The following TPT1 variants were observed in gnomAD, a reference collection of about 807,000 sequenced individuals.
TPT1 encodes tumor protein, translationally-controlled 1.
TPT1 carries 5 observed loss-of-function variants against 22.8 expected under a neutral mutation model. That is an observed-to-expected ratio of 0.22 (90% CI 0.11 to 0.46). TPT1 has a LOEUF of 0.46. Ranked by LOEUF, TPT1 falls within the 20% of genes least tolerant of loss-of-function variation. TPT1 has a pLI of 0.99. For synonymous variants in TPT1, 89 were observed against 73.6 expected (o/e 1.21, Z -1.07); for missense variants, 130 against 218.7 (o/e 0.59, Z 2.56).
rs1878635544 is a variant in TPT1 at position 45,335,806 on chromosome 13, GT to G, written c.*1579del. 1 of 152,100 alleles carries G rather than the reference GT, an allele frequency of 6.6e-6. No homozygotes were observed. The highest frequency in any genetic ancestry group is 2.4e-5 in the African/African-American group (1 of 41,410). The allele number at this position is 152,100 out of a possible 1,614,324, so 9.4% of individuals were successfully genotyped here. A position where few individuals can be genotyped will look rare whatever the true frequency, so the allele number is the denominator to read the frequency against. On this transcript the variant is annotated 3_prime_UTR_variant, in exon 6 of 6. Coordinates refer to ENST00000530705, the MANE Select transcript of TPT1 (RefSeq NM_003295.4). ...TATTAAGTTCCCAATACGTATTTAG[GT>G]TTGTTTCCAATCACGGGGTGCTGGG... is the stretch of plus-strand genomic sequence containing the variant.
chr13:45,340,478 T>C lies in TPT1; in HGVS notation c.102+234A>G, dbSNP rs1203014676. ...CAAACACGAAAGGACTCCAGGCTCC[T>C]AAGCCGGAAGCATCATGTCCCGGAC... On this transcript the variant is annotated intron_variant, in intron 2 of 5. Coordinates refer to ENST00000530705, the MANE Select transcript of TPT1 (RefSeq NM_003295.4). The C allele has an allele frequency of 8.1e-6, 6 of 744,998 alleles. No individual in the cohort carries two copies. The Admixed American group carries it at 1.2e-4, about 15-fold the overall frequency. The allele number at this position is 744,998 out of a possible 1,614,324, so 46.1% of individuals were successfully genotyped here. A position where few individuals can be genotyped will look rare whatever the true frequency, so the allele number is the denominator to read the frequency against.
chr13:45,340,660 A>C, intron 2 of TPT1, 52 bp downstream of exon 2: 2 of 1,539,370 alleles, frequency 1.3e-6, no homozygotes, highest in Non-Finnish European at 1.8e-6. Flanking sequence ...AGCGGAGGAA[A>C]CCCGAGCCCG....
At chr13:45,339,713 G>T in intron 3 of TPT1, 111 bp from the exon 4 acceptor site, 1 of 995,534 alleles carries the variant, frequency 1.0e-6, no homozygotes, top group Non-Finnish European at 1.5e-6. Context: ...AAGGCAACCA[G>T]CTGTTAAGAA....
rs1878545530 is a variant in TPT1 at position 45,334,349 on chromosome 13, G to C, written c.*3037C>G. ...TCTCTTTGTCAACCAATCTCATGTT[G>C]GAATGCAGTCTATCCTCTCTCCAAA... On this transcript the variant is annotated 3_prime_UTR_variant, in exon 6 of 6. Coordinates refer to ENST00000530705, the MANE Select transcript of TPT1 (RefSeq NM_003295.4). The C allele has an allele frequency of 6.6e-6, 1 of 152,186 alleles. No individual in the cohort carries two copies. Among genetic ancestry groups the C allele is most frequent in the African/African-American group, 2.4e-5 (1 of 41,432 alleles). The allele number at this position is 152,186 out of a possible 1,614,324, so 9.4% of individuals were successfully genotyped here.
intron 3 of TPT1, 86 bp from the exon 4 acceptor site, chr13:45,339,688 A>C: frequency 7.6e-7 from 1 of 1,318,514 alleles, no homozygotes; most frequent in South Asian, 1.3e-5. Context: ...AGCTTAAAAA[A>C]AGAAAACACT....
At chr13:45,337,645 A>C (rs1412389166) in intron 5 of TPT1, 2 of 1,401,158 alleles carry the variant, frequency 1.4e-6, no homozygotes, top group Non-Finnish European at 2.0e-6. Flanking sequence ...CTCATTTTTC[A>C]GAAGGCTGTG....
chr13:45,339,284 G>A (rs140039171), intron 4 of TPT1: 5,161 of 452,266 alleles, frequency 0.011, 45 homozygotes, highest in Non-Finnish European at 0.015. Context: ...AGAACACTTA[G>A]GTGGTTAAGC....
intron 5 of TPT1, chr13:45,338,436 T>C (rs758845848): frequency 3.6e-6 from 3 of 830,116 alleles, no homozygotes; most frequent in African/African-American, 3.6e-5. Flanking sequence ...TACTTTATTA[T>C]GCCCCATCTG....
In TPT1 at chr13:45,337,173, C is replaced by CA; in HGVS notation, c.*212dup. 1.6e-6 allele frequency: 1 copy of CA among 607,638 alleles called. No individual in the cohort carries two copies. Among genetic ancestry groups the CA allele is most frequent in the Non-Finnish European group, 2.9e-6 (1 of 342,698 alleles). The allele number at this position is 607,638 out of a possible 1,614,324, so 37.6% of individuals were successfully genotyped here. On this transcript the variant is annotated 3_prime_UTR_variant, in exon 6 of 6. Coordinates refer to ENST00000530705, the MANE Select transcript of TPT1 (RefSeq NM_003295.4). ...TGCATTAAACTAAAAGGCATTCTCT[C>CA]AAATGAGTTTAAATGCATTTTATTT... is the stretch of plus-strand genomic sequence containing the variant.
chr13:45,340,957 G>A, intron 1 of TPT1, 85 bp downstream of exon 1: 1 of 1,551,598 alleles, frequency 6.4e-7, no homozygotes, highest in Non-Finnish European at 8.7e-7. Flanking sequence ...CGTCCCCTAG[G>A]CCCGCGACGG....
chr13:45,339,777 A>G (rs1029792691), intron 3 of TPT1, 175 bp from the exon 4 acceptor site: 60 of 755,828 alleles, frequency 7.9e-5, no homozygotes, highest in East Asian at 5.4e-5. Context: ...CTTGTTGACT[A>G]TTTTCAAAAT....
chr13:45,339,859 T>C (rs991414930), intron 3 of TPT1, 135 bp downstream of exon 3: 2 of 1,017,992 alleles, frequency 2.0e-6, no homozygotes, highest in African/African-American at 3.3e-5. Context: ...CAACCACTCT[T>C]TTCCGTGAAC....
chr13:45,340,630 T>C (rs1879040492), intron 2 of TPT1, 82 bp downstream of exon 2: 5 of 1,473,944 alleles, frequency 3.4e-6, no homozygotes, highest in Non-Finnish European at 4.6e-6. Context: ...CGGGGAGGAT[T>C]GCACAACCTC....
intron 4 of TPT1, 37 bp from the exon 5 acceptor site, chr13:45,338,813 T>C: frequency 2.7e-6 from 4 of 1,483,462 alleles, no homozygotes; most frequent in Non-Finnish European, 3.6e-6. Context: ...ATTAGACTAT[T>C]ACATACAAAT....
At chr13:45,337,649 G>C (rs1566175814) in intron 5 of TPT1, 1 of 1,347,866 alleles carries the variant, frequency 7.4e-7, no homozygotes, top group Non-Finnish European at 1.0e-6. Context: ...TTTTTCAGAA[G>C]GCTGTGGCAT....
At chr13:45,339,390 T>C in intron 4 of TPT1, 107 bp downstream of exon 4, 3 of 944,132 alleles carry the variant, frequency 3.2e-6, no homozygotes, top group Non-Finnish European at 4.5e-6. Context: ...GGAAAGCCAC[T>C]TTCTACACCT....
chr13:45,337,393 A>G lies in TPT1; in HGVS notation c.517-5T>C. The G allele has an allele frequency of 6.2e-7, 1 of 1,614,104 alleles. No individual in the cohort carries two copies. Among genetic ancestry groups the G allele is most frequent in the Non-Finnish European group, 8.5e-7 (1 of 1,179,990 alleles). ...AAATAATTGCCACATTTGTTACTGT[A>G]AAAGCAAAAACTACATTAATATTTT... is the stretch of plus-strand genomic sequence containing the variant. On this transcript the variant is annotated splice_polypyrimidine_tract_variant and splice_region_variant and intron_variant, in intron 5 of 5. Coordinates refer to ENST00000530705, the MANE Select transcript of TPT1 (RefSeq NM_003295.4).
At chr13:45,338,586 C>T (rs756972066) in intron 5 of TPT1, 74 bp downstream of exon 5, 1 of 1,570,384 alleles carries the variant, frequency 6.4e-7, no homozygotes, top group Non-Finnish European at 8.6e-7. Context: ...TTCTCAGTGT[C>T]ACAAAACAAT....
chr13:45,338,608 T>A (rs558628642), intron 5 of TPT1, 52 bp downstream of exon 5: 9 of 1,595,036 alleles, frequency 5.6e-6, no homozygotes, highest in Admixed American at 3.6e-5. Flanking sequence ...GCAAATCACA[T>A]CTAAAATGTC....
Sources: allele counts gnomAD v4.1 joint callset, GRCh38; gene constraint gnomAD v4.1.1; transcripts MANE v1.5; gene names NCBI Gene and HGNC (gene_info 2026-07-23, HGNC 2026-07-21).